Variants in SEMA6D observed in about 807,000 individuals in gnomAD.
SEMA6D encodes the protein semaphorin 6D.
SEMA6D carries 35 observed loss-of-function variants against 106.6 expected under a neutral mutation model. The ratio of observed to expected loss-of-function variants is 0.33; its 90% confidence interval spans 0.25 to 0.44. The LOEUF (loss-of-function observed/expected upper bound fraction) is 0.44, where lower values mean the gene tolerates loss of function less well. Ranked by LOEUF, SEMA6D falls within the 20% of genes least tolerant of loss-of-function variation. SEMA6D has a pLI of 1.00. For missense variants in SEMA6D, 1,185 were observed against 1,345.9 expected (o/e 0.88, Z 1.87); for synonymous variants, 499 against 487.7 (o/e 1.02, Z -0.31).
In SEMA6D at chr15:47,230,758, A is replaced by G. The variant is rs186947208; in HGVS notation, c.-239+46340A>G. Among the ~76,000 whole-genome samples the G allele has an allele frequency of 3.7e-3, 570 of 152,134 alleles. 6 individuals carry two copies. The highest frequency in any genetic ancestry group is 0.013 in the African/African-American group (543 of 41,540). On this transcript the variant is annotated intron_variant, in intron 1 of 19. Coordinates refer to the SEMA6D transcript ENST00000558014. The stretch of plus-strand genomic sequence containing the variant: ...AAAGGGATGAGAAACTGCCTGAGAA[A>G]CACTAGGGGTGAGGCCAACAATCTA...
intron 2 of SEMA6D, among the ~76,000 whole-genome samples, chr15:47,467,435 G>A (rs954501796): frequency 4.6e-5 from 7 of 152,176 alleles, no homozygotes; most frequent in African/African-American, 1.7e-4. Context: ...GCAATGTAGA[G>A]AAGGTAGATT....
At chr15:47,493,786 G>A (rs1441995107) in intron 3 of SEMA6D, among the ~76,000 whole-genome samples, 1 of 152,074 alleles carries the variant, frequency 6.6e-6, no homozygotes, top group Admixed American at 6.6e-5. Context: ...CTGATTCCAG[G>A]TCAGCCTCAC....
intron 2 of SEMA6D, among the ~76,000 whole-genome samples, chr15:47,453,300 C>G (rs570994341): frequency 3.4e-5 from 5 of 148,596 alleles, no homozygotes; most frequent in African/African-American, 1.2e-4. Context: ...AAAAAAAACA[C>G]CCTTTCAACA....
At position 47,227,034 on chromosome 15, in the gene SEMA6D, G is replaced by A. The variant is rs1356325402; in HGVS notation, c.-239+42616G>A. Among the ~76,000 whole-genome samples the A allele has an allele frequency of 2.6e-5, 4 of 151,998 alleles. No individual in the cohort carries two copies. In the East Asian group the frequency reaches 7.7e-4, roughly 29 times the overall value. On this transcript the variant is annotated intron_variant, in intron 1 of 19. Coordinates refer to the SEMA6D transcript ENST00000558014. ...CTCCAAGCTCCTCCTGCCAGCCAAA[G>A]GTGTAATAGGATGAATTTGTTAAAA...
chr15:47,502,183 C>T (rs1282448690), intron 3 of SEMA6D, among the ~76,000 whole-genome samples: 1 of 152,160 alleles, frequency 6.6e-6, no homozygotes, highest in Non-Finnish European at 1.5e-5. Flanking sequence ...AAAAAAATCA[C>T]ACTTAATCAT....
intron 1 of SEMA6D, among the ~76,000 whole-genome samples, chr15:47,754,684 T>C (rs993818238): frequency 6.6e-6 from 1 of 152,198 alleles, no homozygotes; most frequent in African/African-American, 2.4e-5. Flanking sequence ...GTTTTGAAAA[T>C]GTGTGCAGCC....
intron 3 of SEMA6D, among the ~76,000 whole-genome samples, chr15:47,476,837 C>G (rs1216712938): frequency 6.6e-6 from 1 of 152,180 alleles, no homozygotes. Flanking sequence ...GTACTTCCCT[C>G]CTTTTCTGAG....
chr15:47,433,747 C>G (rs1199605230), intron 2 of SEMA6D, among the ~76,000 whole-genome samples: 2 of 152,008 alleles, frequency 1.3e-5, no homozygotes, highest in Non-Finnish European at 2.9e-5. Flanking sequence ...AAAAACACCA[C>G]CAAAACTTTG....
chr15:47,654,541 A>G (rs2077754892), intron 4 of SEMA6D, among the ~76,000 whole-genome samples: 1 of 152,220 alleles, frequency 6.6e-6, no homozygotes, highest in African/African-American at 2.4e-5. Context: ...GTCCCCACCC[A>G]CATCTCATGT....
At chr15:47,292,132 C>A (rs2035615629) in intron 1 of SEMA6D, among the ~76,000 whole-genome samples, 1 of 152,182 alleles carries the variant, frequency 6.6e-6, no homozygotes, top group Admixed American at 6.6e-5. Context: ...TGCACTGTTT[C>A]TGTGCTTGAA....
At chr15:47,712,420 A>G (rs2079038899) in intron 4 of SEMA6D, among the ~76,000 whole-genome samples, 1 of 152,188 alleles carries the variant, frequency 6.6e-6, no homozygotes, top group Admixed American at 6.5e-5. Context: ...CCCTAATAAG[A>G]TAGTTATTTT....
At position 47,570,871 on chromosome 15, in the gene SEMA6D, T is replaced by A. The variant is rs371554236; in HGVS notation, c.-86-29994T>A. Among the ~76,000 whole-genome samples the A allele has an allele frequency of 5.2e-4, 79 of 152,292 alleles. 2 individuals carry two copies. Among genetic ancestry groups the A allele is most frequent in the African/African-American group, 1.9e-3 (77 of 41,558 alleles). On this transcript the variant is annotated intron_variant, in intron 3 of 19. Transcript: ENST00000558014. The stretch of plus-strand genomic sequence containing the variant: ...TTGGAAGAGGCCAGGGGTGTCTCAG[T>A]GATGGAGTGGCCTGATGCTGTGAGA...
At chr15:47,602,908 T>C (rs1251769797) in intron 4 of SEMA6D, among the ~76,000 whole-genome samples, 1 of 152,078 alleles carries the variant, frequency 6.6e-6, no homozygotes, top group Non-Finnish European at 1.5e-5. Flanking sequence ...TACAGAGGTG[T>C]AATGACAAGT....
Position 47,771,534 on chromosome 15 carries a change from A to C in SEMA6D, c.2971A>C (p.Arg991=), listed in dbSNP as rs901371062. The change falls in exon 19 of 19, where the codon AGA becomes CGA. Residue 991 remains arginine, a synonymous_variant. Coordinates refer to ENST00000536845, the MANE Select transcript of SEMA6D (RefSeq NM_001358351.3). ...LNSPNGVLLS[R]QPSMNRGGYM... ...CTCACCAAATGGTGTTTTGTTATCCAGACAGCCTAGTATGAACCGTGGAGG... is the reference window on the plus strand; with the variant it reads ...CTCACCAAATGGTGTTTTGTTATCCCGACAGCCTAGTATGAACCGTGGAGG... The C allele has an allele frequency of 6.2e-7, 1 of 1,614,026 alleles. No individual in the cohort carries two copies. The highest frequency in any genetic ancestry group is 8.5e-7 in the Non-Finnish European group (1 of 1,179,994).
chr15:47,581,599 G>A (rs2076255535), intron 3 of SEMA6D, among the ~76,000 whole-genome samples: 2 of 152,158 alleles, frequency 1.3e-5, no homozygotes, highest in Admixed American at 1.3e-4. Context: ...GGATTTGTGG[G>A]GGTAAGGGAC....
chr15:47,187,813 T>TG (rs1055256458), intron 1 of SEMA6D, among the ~76,000 whole-genome samples: 1 of 151,802 alleles, frequency 6.6e-6, no homozygotes, highest in Non-Finnish European at 1.5e-5. Context: ...TGGGAATTAG[T>TG]GGGGGGAGGG....
Position 47,596,196 on chromosome 15 carries a change from AAAAACT to A in SEMA6D, c.-86-4664_-86-4659del, listed in dbSNP as rs1487956172. Among the ~76,000 whole-genome samples, 12 of 152,236 alleles carry A rather than the reference AAAAACT, an allele frequency of 7.9e-5. No individual in the cohort carries two copies. In the South Asian group the frequency reaches 1.9e-3, roughly 24 times the overall value. On this transcript the variant is annotated intron_variant, in intron 3 of 19. Coordinates refer to the SEMA6D transcript ENST00000558014. ...TAAAAATTTTATTCACAATAGCTAC[AAAAACT>A]AAAATACCTAGGAATACATTTAACC... is the stretch of plus-strand genomic sequence containing the variant.
chr15:47,765,558 CA>C (rs1277690292), intron 13 of SEMA6D: 1 of 687,616 alleles, frequency 1.5e-6, no homozygotes, highest in Non-Finnish European at 1.9e-6. Context: ...CCATCTAACA[CA>C]GGAAAATTTA....
chr15:47,559,768 C>T lies in SEMA6D; in HGVS notation c.-86-41097C>T, dbSNP rs188305996. 8.0e-4 allele frequency among the ~76,000 whole-genome samples: 121 copies of T among 152,188 alleles called. 1 individual carries two copies. The highest frequency in any genetic ancestry group is 2.6e-3 in the African/African-American group (107 of 41,538). ...CAGGTCAATGGAGAATGCACACATT[C>T]TCAGAGGCAATAGAAGACAGCCTGG... On this transcript the variant is annotated intron_variant, in intron 3 of 19. Coordinates refer to the SEMA6D transcript ENST00000558014.
Sources: gnomAD v4.1 joint callset for allele counts (sites outside exome capture counted in the v4.1 genomes callset) on GRCh38, gnomAD v4.1.1 for gene constraint, MANE v1.5 for transcripts, NCBI Gene and HGNC (gene_info 2026-07-23, HGNC 2026-07-21) for gene names.